The following PABPC4L variants were observed in gnomAD, a reference collection of about 807,000 sequenced individuals.
PABPC4L encodes poly(A) binding protein cytoplasmic 4 like.
For synonymous variants in PABPC4L, 169 were observed against 164.1 expected, an observed-to-expected ratio of 1.03 and a Z score of -0.23; for missense variants, 452 against 451.4, an observed-to-expected ratio of 1.00 and a Z score of -0.01.
Position 134,199,919 on chromosome 4 carries a change from G to A in PABPC4L, c.1101C>T (p.Ala367=). 1 of 1,551,428 alleles carries A rather than the reference G, an allele frequency of 6.4e-7. No homozygotes were observed. The highest frequency in any genetic ancestry group is 1.2e-5 in the South Asian group (1 of 84,044). The change falls in exon 2 of 2, where the codon GCC becomes GCT. Residue 367 remains alanine (A), a synonymous_variant. Transcript: ENST00000421491. ...LGSKPLSIAL[A]QRH ...ACGTTTTTCTTTCCTAGTGTCTCTGGGCCAAGGCAATGCTAAGAGGTTTGG... is the reference window on the plus strand; with the variant it reads ...ACGTTTTTCTTTCCTAGTGTCTCTGAGCCAAGGCAATGCTAAGAGGTTTGG...
At chr4:134,006,288 T>C in the PABPC4L span, among the ~76,000 whole-genome samples, 1 of 151,898 alleles carries the variant, frequency 6.6e-6, no homozygotes, top group Non-Finnish European at 1.5e-5. Flanking sequence ...GTATTGTATG[T>C]ATATATGTAG....
Position 134,199,793 on chromosome 4 carries a change from A to T in PABPC4L, c.*114T>A. The T allele has an allele frequency of 1.5e-6, 2 of 1,335,586 alleles. No homozygotes were observed. The highest frequency in any genetic ancestry group is 5.2e-5 in the East Asian group (2 of 38,510). 82.7% of individuals were successfully genotyped at this position (1,335,586 alleles called of 1,614,324 possible). Reference sequence around the variant, plus strand: ...AAAACGTTTTATCATAAAGTTTACTAAACTAAGCACCCATCATGTGGAATA... The same window carrying T: ...AAAACGTTTTATCATAAAGTTTACTTAACTAAGCACCCATCATGTGGAATA... On this transcript the variant is annotated 3_prime_UTR_variant, in exon 2 of 2. Coordinates refer to ENST00000421491, the MANE Select transcript of PABPC4L (RefSeq NM_001114734.2).
chr4:134,105,467 T>C, the PABPC4L span, among the ~76,000 whole-genome samples: 1 of 151,724 alleles, frequency 6.6e-6, no homozygotes, highest in Admixed American at 6.6e-5. Context: ...TTGATTTACT[T>C]CTAAGAGGCC....
the PABPC4L span, among the ~76,000 whole-genome samples, chr4:134,140,303 T>C: frequency 1.3e-5 from 2 of 151,830 alleles, no homozygotes; most frequent in Non-Finnish European, 2.9e-5. Context: ...TATTTCATTA[T>C]ATATACATAT....
At chr4:133,986,504 A>G in the PABPC4L span, among the ~76,000 whole-genome samples, 3 of 152,180 alleles carry the variant, frequency 2.0e-5, no homozygotes, top group Non-Finnish European at 4.4e-5. Flanking sequence ...AGAAGAAAAT[A>G]AGAGAAATAA....
At chr4:134,098,296 T>A in the PABPC4L span, among the ~76,000 whole-genome samples, 1,029 of 151,898 alleles carry the variant, frequency 6.8e-3, 11 homozygotes, top group Non-Finnish European at 8.9e-3. Flanking sequence ...AAAATTAGTA[T>A]GATTTGCAGA....
the PABPC4L span, among the ~76,000 whole-genome samples, chr4:134,001,471 T>C: frequency 1.9e-4 from 29 of 152,130 alleles, 1 homozygote; most frequent in Non-Finnish European, 2.8e-4. Flanking sequence ...TGTTTTATCA[T>C]CATAGTCATG....
the PABPC4L span, among the ~76,000 whole-genome samples, chr4:134,014,503 T>G: frequency 6.6e-6 from 1 of 152,164 alleles, no homozygotes; most frequent in African/African-American, 2.4e-5. Flanking sequence ...GGATTCCTCC[T>G]AAGCTGTGTC....
the PABPC4L span, among the ~76,000 whole-genome samples, chr4:133,998,347 T>C: frequency 0.025 from 3,875 of 152,092 alleles, 171 homozygotes; most frequent in African/African-American, 0.089. Flanking sequence ...CATAATATAG[T>C]CAATTACCCA....
the PABPC4L span, among the ~76,000 whole-genome samples, chr4:134,140,239 C>T: frequency 6.6e-6 from 1 of 151,750 alleles, no homozygotes; most frequent in Non-Finnish European, 1.5e-5. Context: ...TCCACACACA[C>T]ACAAAGTAAC....
the PABPC4L span, among the ~76,000 whole-genome samples, chr4:134,114,192 C>T: frequency 3.3e-5 from 5 of 151,772 alleles, no homozygotes; most frequent in South Asian, 2.1e-4. Flanking sequence ...TCCACAAGCA[C>T]AAGTTGGAGT....
At chr4:134,064,120 A>G in the PABPC4L span, among the ~76,000 whole-genome samples, 1 of 152,062 alleles carries the variant, frequency 6.6e-6, no homozygotes, top group Non-Finnish European at 1.5e-5. Context: ...TAGGTATTTT[A>G]TAAATATTTA....
chr4:134,058,737 A>C, the PABPC4L span, among the ~76,000 whole-genome samples: 1 of 152,120 alleles, frequency 6.6e-6, no homozygotes, highest in Non-Finnish European at 1.5e-5. Flanking sequence ...AATTCTTCAG[A>C]TAAATATATT....
the PABPC4L span, among the ~76,000 whole-genome samples, chr4:134,093,094 C>T: frequency 1.3e-5 from 2 of 151,246 alleles, no homozygotes; most frequent in South Asian, 4.2e-4. Context: ...TGTCCTCTCT[C>T]TCATTCTCCC....
At chr4:133,984,363 T>A in the PABPC4L span, among the ~76,000 whole-genome samples, 1 of 151,848 alleles carries the variant, frequency 6.6e-6, no homozygotes. Context: ...TTTTTAATTG[T>A]CTACTCTTTA....
At chr4:133,991,314 A>G in the PABPC4L span, among the ~76,000 whole-genome samples, 1 of 152,044 alleles carries the variant, frequency 6.6e-6, no homozygotes. Flanking sequence ...TCTGCTGTTA[A>G]ATTATCCTGT....
chr4:134,200,260 C>CA lies in PABPC4L; in HGVS notation c.759_760insT (p.Asp254Ter). ...ACAAAAATCAGCTGCCCATTTATGT[C>CA]CCTTCCATTCATTTCTTCAACAGCT... On this transcript the variant is annotated frameshift_variant, in exon 2 of 2. Coordinates refer to ENST00000421491, the MANE Select transcript of PABPC4L (RefSeq NM_001114734.2). LOFTEE classifies it low-confidence loss of function (END_TRUNC). The CA allele has an allele frequency of 6.4e-7, 1 of 1,557,400 alleles. No individual in the cohort carries two copies. The highest frequency in any genetic ancestry group is 1.2e-5 in the South Asian group (1 of 84,442).
the PABPC4L span, among the ~76,000 whole-genome samples, chr4:134,034,911 T>C: frequency 6.6e-6 from 1 of 152,062 alleles, no homozygotes; most frequent in Admixed American, 6.6e-5. Flanking sequence ...TTGACTCCAA[T>C]TTTGAAATAA....
At chr4:134,047,835 C>A in the PABPC4L span, among the ~76,000 whole-genome samples, 1 of 145,810 alleles carries the variant, frequency 6.9e-6, no homozygotes, top group Non-Finnish European at 1.5e-5. Flanking sequence ...CTGATATGGT[C>A]ATGCTTATGA....
Sources: allele counts gnomAD v4.1 joint callset (sites outside exome capture counted in the v4.1 genomes callset), GRCh38; gene constraint gnomAD v4.1.1; transcripts MANE v1.5; gene names NCBI Gene and HGNC (gene_info 2026-07-23, HGNC 2026-07-21).